Variants in ULK4 observed in about 807,000 individuals in gnomAD.
ULK4 encodes unc-51 like kinase 4.
A neutral mutation model predicts 160.6 loss-of-function variants in ULK4; 133 were observed. That is an observed-to-expected ratio of 0.83 (90% confidence interval 0.72 to 0.96). The LOEUF (loss-of-function observed/expected upper bound fraction) is 0.96, where lower values mean the gene tolerates loss of function less well. ULK4 is among the 40% of genes least tolerant of loss of function. The pLI, the probability that ULK4 is intolerant of heterozygous loss-of-function variation, is 0.00. For synonymous variants in ULK4, 534 were observed against 539.8 expected, an observed-to-expected ratio of 0.99 and a Z score of 0.15; for missense variants, 1,580 against 1,499.5, an observed-to-expected ratio of 1.05 and a Z score of -0.89.
At chr3:41,726,930 G>A (rs555095398) in intron 22 of ULK4, among the ~76,000 whole-genome samples, 10 of 152,298 alleles carry the variant, frequency 6.6e-5, no homozygotes, top group African/African-American at 1.9e-4. Flanking sequence ...TTACAGGCAT[G>A]AGTCACTGTG....
At chr3:41,879,498 TA>T (rs925806322) in intron 17 of ULK4, among the ~76,000 whole-genome samples, 615 of 146,916 alleles carry the variant, frequency 4.2e-3, no homozygotes, top group African/African-American at 0.013. Context: ...TTCCATAATT[TA>T]AAAAAAAAAA....
intron 22 of ULK4, among the ~76,000 whole-genome samples, chr3:41,739,861 T>C (rs977231944): frequency 6.6e-6 from 1 of 151,914 alleles, no homozygotes; most frequent in African/African-American, 2.4e-5. Context: ...TTAATCTGCA[T>C]TTCACTGATT....
At chr3:41,772,769 A>C (rs2039441234) in intron 21 of ULK4, among the ~76,000 whole-genome samples, 2 of 152,344 alleles carry the variant, frequency 1.3e-5, no homozygotes, top group Admixed American at 1.3e-4. Context: ...CACAACCAAA[A>C]AAGAGAATTT....
chr3:41,705,447 T>A (rs977533084), intron 25 of ULK4, 142 bp from the exon 26 acceptor site: 1 of 440,398 alleles, frequency 2.3e-6, no homozygotes, highest in Non-Finnish European at 3.9e-6. Flanking sequence ...CATATTATAT[T>A]ATTATAGTTA....
At chr3:41,269,867 C>T (rs891986739) in intron 35 of ULK4, among the ~76,000 whole-genome samples, 1 of 152,152 alleles carries the variant, frequency 6.6e-6, no homozygotes, top group Non-Finnish European at 1.5e-5. Flanking sequence ...ATCCTTAACT[C>T]TTTGGGGACT....
chr3:41,373,826 C>CA (rs565859014), intron 35 of ULK4, among the ~76,000 whole-genome samples: 89 of 152,144 alleles, frequency 5.8e-4, no homozygotes, highest in African/African-American at 1.7e-3. Context: ...AAAAACCCTT[C>CA]AAAAAATCAA....
At chr3:41,907,989 T>C in intron 11 of ULK4, 48 bp from the exon 12 acceptor site, 1 of 1,394,958 alleles carries the variant, frequency 7.2e-7, no homozygotes, top group Non-Finnish European at 9.8e-7. Flanking sequence ...GACAGTTTAT[T>C]CTCTGTTTAC....
Position 41,961,061 on chromosome 3 carries a change from T to A in ULK4, c.-49+955A>T, listed in dbSNP as rs1488982741. ...TTCCCAGAAACCACAGTTTAGTCTCTTAACCTATAGTGCTCCTAAGGAAGT... is the reference window on the plus strand; with the variant it reads ...TTCCCAGAAACCACAGTTTAGTCTCATAACCTATAGTGCTCCTAAGGAAGT... On this transcript the variant is annotated intron_variant, in intron 1 of 36. Transcript: ENST00000301831. 2.0e-5 allele frequency among the ~76,000 whole-genome samples: 3 copies of A among 152,192 alleles called. No individual in the cohort carries two copies. The East Asian group carries it at 5.8e-4, about 29-fold the overall frequency.
intron 16 of ULK4, among the ~76,000 whole-genome samples, chr3:41,892,217 A>G (rs1697993762): frequency 6.6e-6 from 1 of 152,242 alleles, no homozygotes; most frequent in Admixed American, 6.5e-5. Context: ...CATAAAACTC[A>G]GTTCAAAAAT....
intron 3 of ULK4, chr3:41,937,832 G>A (rs1559662799): frequency 3.6e-5 from 9 of 253,450 alleles, no homozygotes; most frequent in Admixed American, 1.1e-4. Flanking sequence ...TTGGGAAAAC[G>A]TTTTTGATAA....
At chr3:41,445,919 C>T (rs977968627) in intron 34 of ULK4, among the ~76,000 whole-genome samples, 72 of 151,984 alleles carry the variant, frequency 4.7e-4, no homozygotes, top group African/African-American at 1.7e-3. Flanking sequence ...AAAGAAACCA[C>T]CATCAGAGTG....
intron 32 of ULK4, among the ~76,000 whole-genome samples, chr3:41,465,461 T>G (rs2083807287): frequency 6.6e-6 from 1 of 152,226 alleles, no homozygotes; most frequent in Admixed American, 6.5e-5. Context: ...TATACTCAAC[T>G]GTCTCAAAAC....
At chr3:41,268,425 G>C (rs1193280530) in intron 35 of ULK4, among the ~76,000 whole-genome samples, 1 of 152,118 alleles carries the variant, frequency 6.6e-6, no homozygotes, top group East Asian at 1.9e-4. Flanking sequence ...GCTATCACTT[G>C]GTTATATCCT....
rs923089813 is a variant in ULK4 at position 41,385,110 on chromosome 3, T to C, written c.3678+12969A>G. ...AATGATATGAAATTGTTAATTTTCT[T>C]AGTTGTGATAATGGTATTATGGTTA... On this transcript the variant is annotated intron_variant, in intron 35 of 36. Transcript: ENST00000301831. Among the ~76,000 whole-genome samples, 4 of 152,156 alleles carry C rather than the reference T, an allele frequency of 2.6e-5. No homozygotes were observed. In the South Asian group the frequency reaches 6.2e-4, roughly 24 times the overall value.
intron 16 of ULK4, among the ~76,000 whole-genome samples, chr3:41,895,269 A>G (rs1698115336): frequency 6.6e-6 from 1 of 152,170 alleles, no homozygotes; most frequent in Non-Finnish European, 1.5e-5. Flanking sequence ...AAACAATAAC[A>G]GTTAATAAAG....
chr3:41,657,310 T>G (rs982500625), intron 30 of ULK4, among the ~76,000 whole-genome samples: 1 of 152,182 alleles, frequency 6.6e-6, no homozygotes, highest in African/African-American at 2.4e-5. Flanking sequence ...CCACTTAACA[T>G]AGGATGGTTT....
intron 32 of ULK4, among the ~76,000 whole-genome samples, chr3:41,487,813 CTAAA>C (rs1339335162): frequency 3.5e-4 from 53 of 152,224 alleles, no homozygotes; most frequent in Admixed American, 1.6e-3. Flanking sequence ...TGACAAAAGA[CTAAA>C]TAAAGTTAAC....
At chr3:41,498,708 G>C (rs2085082438) in intron 32 of ULK4, among the ~76,000 whole-genome samples, 1 of 151,778 alleles carries the variant, frequency 6.6e-6, no homozygotes, top group African/African-American at 2.4e-5. Flanking sequence ...CCATTCTCCT[G>C]CCTCAGCCTC....
intron 35 of ULK4, among the ~76,000 whole-genome samples, chr3:41,259,240 A>C (rs2078900079): frequency 6.6e-6 from 1 of 152,122 alleles, no homozygotes; most frequent in East Asian, 1.9e-4. Flanking sequence ...TATTGAAAGG[A>C]GATGGTAGTG....
Sources: allele counts gnomAD v4.1 joint callset (sites outside exome capture counted in the v4.1 genomes callset), GRCh38; gene constraint gnomAD v4.1.1; transcripts MANE v1.5; gene names NCBI Gene and HGNC (gene_info 2026-07-23, HGNC 2026-07-21).